GOLIM4: variants seen among roughly 807,000 people sequenced by gnomAD.
GOLIM4 encodes golgi integral membrane protein 4, also known as 130 kDa golgi-localized phosphoprotein.
Under a neutral mutation model 107.4 loss-of-function variants are expected in GOLIM4, and 71 were observed. The ratio of observed to expected loss-of-function variants is 0.66; its 90% CI spans 0.55 to 0.81. The LOEUF (loss-of-function observed/expected upper bound fraction) is 0.81, where lower values mean the gene tolerates loss of function less well. Ranked by LOEUF, GOLIM4 falls within the 30% of genes least tolerant of loss-of-function variation. The pLI, the probability that GOLIM4 is intolerant of heterozygous loss-of-function variation, is 0.00. For missense variants in GOLIM4, 830 were observed against 826.1 expected (o/e 1.00, Z -0.06); for synonymous variants, 327 against 294.8 (o/e 1.11, Z -1.12).
intron 1 of GOLIM4, among the ~76,000 whole-genome samples, chr3:168,062,741 G>A (rs558606202): frequency 2.2e-4 from 33 of 152,212 alleles, no homozygotes; most frequent in African/African-American, 7.2e-4. Context: ...AGGCACACGT[G>A]GTAATCATTG....
intron 8 of GOLIM4, among the ~76,000 whole-genome samples, chr3:168,033,114 C>T (rs545762451): frequency 4.6e-5 from 7 of 151,970 alleles, no homozygotes; most frequent in African/African-American, 1.2e-4. Context: ...CTCCAAGTAA[C>T]CAATATCTCA....
At chr3:168,086,001 G>C (rs1721600599) in intron 1 of GOLIM4, among the ~76,000 whole-genome samples, 2 of 151,912 alleles carry the variant, frequency 1.3e-5, no homozygotes, top group African/African-American at 4.8e-5. Context: ...ACCCACACCT[G>C]GATCAAATTT....
At chr3:168,024,207 G>C (rs1360371425) in intron 14 of GOLIM4, among the ~76,000 whole-genome samples, 4 of 152,184 alleles carry the variant, frequency 2.6e-5, no homozygotes, top group African/African-American at 9.7e-5. Context: ...TGTGCAGAGG[G>C]AGAGAGGAGA....
chr3:168,029,735 C>G (rs1560075545), intron 10 of GOLIM4, 45 bp downstream of exon 10: 1 of 1,596,564 alleles, frequency 6.3e-7, no homozygotes, highest in South Asian at 1.1e-5. Context: ...CGTATGAAAA[C>G]TGGAGCAGGG....
intron 14 of GOLIM4, among the ~76,000 whole-genome samples, chr3:168,020,239 T>C (rs1221753244): frequency 1.3e-5 from 2 of 152,198 alleles, no homozygotes; most frequent in Non-Finnish European, 2.9e-5. Flanking sequence ...GTATGTGTGG[T>C]TGGGGAGTCA....
At chr3:168,058,705 A>C (rs547947768) in intron 1 of GOLIM4, among the ~76,000 whole-genome samples, 3 of 152,262 alleles carry the variant, frequency 2.0e-5, no homozygotes, top group African/African-American at 7.2e-5. Flanking sequence ...CTTAAACAGA[A>C]TCTCTTTGAG....
At chr3:168,060,079 G>T (rs528772596) in intron 1 of GOLIM4, among the ~76,000 whole-genome samples, 3 of 150,936 alleles carry the variant, frequency 2.0e-5, no homozygotes, top group Non-Finnish European at 4.4e-5. Flanking sequence ...TACTCTTGGA[G>T]AAATTGGGAA....
chr3:168,022,618 A>G (rs1176112388), intron 14 of GOLIM4, among the ~76,000 whole-genome samples: 1 of 152,174 alleles, frequency 6.6e-6, no homozygotes, highest in Non-Finnish European at 1.5e-5. Context: ...AACATTAATC[A>G]TCTCATAACC....
intron 15 of GOLIM4, 22 bp from the exon 16 acceptor site, chr3:168,010,440 A>G: frequency 6.8e-7 from 1 of 1,467,922 alleles, no homozygotes; most frequent in Non-Finnish European, 9.5e-7. Context: ...AAGAAAAAAG[A>G]AAAACTAAGA....
intron 1 of GOLIM4, among the ~76,000 whole-genome samples, chr3:168,059,521 T>C (rs553358325): frequency 4.9e-4 from 75 of 152,302 alleles, no homozygotes; most frequent in African/African-American, 1.7e-3. Context: ...AATATTTCAT[T>C]CAACAAATCA....
intron 1 of GOLIM4, among the ~76,000 whole-genome samples, chr3:168,059,176 T>C (rs1311842980): frequency 1.3e-5 from 2 of 152,184 alleles, no homozygotes; most frequent in African/African-American, 4.8e-5. Context: ...GATTTTTTAA[T>C]AGGAACTTGC....
chr3:168,069,648 G>T (rs899264840), intron 1 of GOLIM4, among the ~76,000 whole-genome samples: 1 of 152,104 alleles, frequency 6.6e-6, no homozygotes, highest in African/African-American at 2.4e-5. Flanking sequence ...TTCATTTCCT[G>T]ACTATTCCAC....
chr3:168,029,678 C>T (rs1718196862), intron 10 of GOLIM4, 102 bp downstream of exon 10: 1 of 1,315,896 alleles, frequency 7.6e-7, no homozygotes, highest in Non-Finnish European at 1.1e-6. Flanking sequence ...GCAATATGAG[C>T]CCCTTAACTT....
intron 3 of GOLIM4, among the ~76,000 whole-genome samples, chr3:168,045,933 G>A (rs2108250127): frequency 1.3e-5 from 2 of 152,296 alleles, no homozygotes; most frequent in African/African-American, 4.8e-5. Flanking sequence ...CCAGGCTGGA[G>A]TAGAGTGGTG....
At chr3:168,036,751 G>T in intron 8 of GOLIM4, 85 bp downstream of exon 8, 1 of 1,051,104 alleles carries the variant, frequency 9.5e-7, no homozygotes, top group Non-Finnish European at 1.4e-6. Flanking sequence ...TCCCAGAAAA[G>T]TTGGCAATAT....
chr3:168,064,862 T>A (rs535902984), intron 1 of GOLIM4, among the ~76,000 whole-genome samples: 20 of 152,024 alleles, frequency 1.3e-4, no homozygotes. Flanking sequence ...GTATTCTAAT[T>A]AGACGTCCAG....
chr3:168,040,077 T>A (rs1188142363), intron 7 of GOLIM4, among the ~76,000 whole-genome samples: 1 of 152,238 alleles, frequency 6.6e-6, no homozygotes, highest in Non-Finnish European at 1.5e-5. Flanking sequence ...AGAATAAAAG[T>A]GAAGATCTAG....
At chr3:168,040,388 G>A (rs1718913542) in intron 7 of GOLIM4, among the ~76,000 whole-genome samples, 1 of 152,108 alleles carries the variant, frequency 6.6e-6, no homozygotes, top group African/African-American at 2.4e-5. Context: ...CTGGGAGCAA[G>A]GCAGACACAG....
intron 1 of GOLIM4, among the ~76,000 whole-genome samples, chr3:168,071,987 C>T (rs899283821): frequency 6.6e-6 from 1 of 152,020 alleles, no homozygotes; most frequent in East Asian, 1.9e-4. Context: ...CGTCAAATCT[C>T]GGAAGGATAC....
Sources: allele counts gnomAD v4.1 joint callset (sites outside exome capture counted in the v4.1 genomes callset), GRCh38; gene constraint gnomAD v4.1.1; transcripts MANE v1.5; gene names NCBI Gene and HGNC (gene_info 2026-07-23, HGNC 2026-07-21).